PIWIL2: variants seen among roughly 807,000 people sequenced by gnomAD.
PIWIL2 encodes the protein piwi like RNA-mediated gene silencing 2.
A neutral mutation model predicts 116.5 loss-of-function variants in PIWIL2; 81 were observed. The ratio of observed to expected loss-of-function variants is 0.70; its 90% CI spans 0.58 to 0.84. The LOEUF is 0.84. PIWIL2 is among the 40% of genes least tolerant of loss of function. The pLI is 0.00. For missense variants in PIWIL2, 1,272 were observed against 1,212.3 expected (o/e 1.05, Z -0.73); for synonymous variants, 489 against 429.5 (o/e 1.14, Z -1.71).
At chr8:22,299,198 G>A (rs987670968) in intron 10 of PIWIL2, among the ~76,000 whole-genome samples, 6 of 151,018 alleles carry the variant, frequency 4.0e-5, no homozygotes, top group African/African-American at 1.5e-4. Flanking sequence ...TTTTTTTAAT[G>A]ATCTTTTTTC....
intron 10 of PIWIL2, among the ~76,000 whole-genome samples, chr8:22,302,913 C>T (rs1377460286): frequency 1.3e-5 from 2 of 152,230 alleles, no homozygotes; most frequent in Non-Finnish European, 2.9e-5. Context: ...CACTGCCCAC[C>T]TCAACTTAGA....
At chr8:22,310,638 A>G (rs528814199) in intron 15 of PIWIL2, among the ~76,000 whole-genome samples, 1 of 151,898 alleles carries the variant, frequency 6.6e-6, no homozygotes, top group Non-Finnish European at 1.5e-5. Context: ...AATTAAATAG[A>G]CCTGTGTAAT....
At chr8:22,333,966 T>A (rs1831921058) in intron 20 of PIWIL2, among the ~76,000 whole-genome samples, 1 of 151,380 alleles carries the variant, frequency 6.6e-6, no homozygotes, top group Non-Finnish European at 1.5e-5. Context: ...GTACAGAGTT[T>A]TTTTGTGTTT....
intron 20 of PIWIL2, among the ~76,000 whole-genome samples, 169 bp downstream of exon 20, chr8:22,318,444 A>C (rs975104198): frequency 1.3e-5 from 2 of 151,958 alleles, no homozygotes; most frequent in African/African-American, 4.8e-5. Context: ...CAGCCTTCCA[A>C]GTAGCTGGGA....
chr8:22,348,444 C>G (rs1420308173), intron 20 of PIWIL2, among the ~76,000 whole-genome samples: 1 of 152,166 alleles, frequency 6.6e-6, no homozygotes, highest in African/African-American at 2.4e-5. Context: ...CTGACCCTTG[C>G]CCCTCTGCGC....
chr8:22,291,136 T>G (rs1360062879), intron 10 of PIWIL2, among the ~76,000 whole-genome samples: 1 of 150,744 alleles, frequency 6.6e-6, no homozygotes, highest in Non-Finnish European at 1.5e-5. Context: ...GTCCGGCTAA[T>G]TTTTTTTTCT....
chr8:22,347,901 T>C lies in PIWIL2; in HGVS notation c.2404-5058T>C, dbSNP rs549632837. Among the ~76,000 whole-genome samples the C allele has an allele frequency of 4.3e-4, 65 of 152,222 alleles. 1 individual carries two copies. Among genetic ancestry groups the C allele is most frequent in the African/African-American group, 1.6e-3 (65 of 41,534 alleles). ...AATCTCTTACACTCCTCTGTTGCCA[T>C]AGCATTTATATCTTTATTATGTTAT... On this transcript the variant is annotated intron_variant, in intron 20 of 22. Transcript: ENST00000356766.
At chr8:22,354,510 C>G (rs775897995) in intron 22 of PIWIL2, 132 bp downstream of exon 22, 9 of 536,976 alleles carry the variant, frequency 1.7e-5, no homozygotes, top group Non-Finnish European at 3.0e-5. Context: ...ATTATGGTGT[C>G]TTTTTGAGGA....
Position 22,316,154 on chromosome 8 carries a change from A to T in PIWIL2, c.2209-91A>T. On this transcript the variant is annotated intron_variant, in intron 18 of 22. Coordinates refer to ENST00000356766, the MANE Select transcript of PIWIL2 (RefSeq NM_018068.5). ...ACTTTCATGTATAAACAGTAAGGGG[A>T]GGTTGCTTTGGGATTCAGACAGTAA... The T allele has an allele frequency of 2.3e-5, 17 of 723,824 alleles. 1 individual carries two copies. The highest frequency in any genetic ancestry group is 4.7e-4 in the Middle Eastern group (2 of 4,280). The allele number at this position is 723,824 out of a possible 1,614,324, so 44.8% of individuals were successfully genotyped here. A position where few individuals can be genotyped will look rare whatever the true frequency, so the allele number is the denominator to read the frequency against.
chr8:22,328,672 A>G (rs986392000), intron 20 of PIWIL2, among the ~76,000 whole-genome samples: 4 of 151,594 alleles, frequency 2.6e-5, no homozygotes, highest in African/African-American at 7.3e-5. Context: ...ATTCCTAGCT[A>G]TTTTATTCTT....
At chr8:22,345,335 A>G (rs538963743) in intron 20 of PIWIL2, among the ~76,000 whole-genome samples, 4 of 152,356 alleles carry the variant, frequency 2.6e-5, no homozygotes, top group South Asian at 2.1e-4. Flanking sequence ...AAATGTTCGT[A>G]GCAACATTAT....
In PIWIL2 at chr8:22,355,619, C is replaced by T; in HGVS notation, c.*114C>T. On this transcript the variant is annotated 3_prime_UTR_variant, in exon 23 of 23. Coordinates refer to ENST00000356766, the MANE Select transcript of PIWIL2 (RefSeq NM_018068.5). ...GCTTTTGTGTTATAATTTTCCCTTT[C>T]TCCAACCCTGTAGAATAAGATTTCT... 1.1e-6 allele frequency: 1 copy of T among 887,256 alleles called. No individual in the cohort carries two copies. Among genetic ancestry groups the T allele is most frequent in the Non-Finnish European group, 1.7e-6 (1 of 582,472 alleles). The allele number at this position is 887,256 out of a possible 1,614,324, so 55.0% of individuals were successfully genotyped here. A position where few individuals can be genotyped will look rare whatever the true frequency, so the allele number is the denominator to read the frequency against.
At chr8:22,328,420 C>T (rs1831777027) in intron 20 of PIWIL2, among the ~76,000 whole-genome samples, 1 of 152,012 alleles carries the variant, frequency 6.6e-6, no homozygotes, top group Non-Finnish European at 1.5e-5. Flanking sequence ...TCAGTGCCCC[C>T]TTGGAATTGT....
At chr8:22,283,359 G>T in intron 5 of PIWIL2, 119 bp downstream of exon 5, 1 of 730,058 alleles carries the variant, frequency 1.4e-6, no homozygotes. Flanking sequence ...ATAATACTGC[G>T]GGGTGTTTTG....
In PIWIL2 at chr8:22,311,320, AAATT is replaced by A. The variant is rs775713580; in HGVS notation, c.1989+21_1989+24del. On this transcript the variant is annotated intron_variant, in intron 16 of 22. Coordinates refer to ENST00000356766, the MANE Select transcript of PIWIL2 (RefSeq NM_018068.5). Reference sequence around the variant, plus strand: ...GCTGAGGTAAAAATGTAATTCAAATAAATTTATAGGATGTCCATTTTAAATTACT... The same window carrying A: ...GCTGAGGTAAAAATGTAATTCAAATATATAGGATGTCCATTTTAAATTACT... 1.4e-5 allele frequency: 22 copies of A among 1,567,716 alleles called. No individual in the cohort carries two copies. The highest frequency in any genetic ancestry group is 1.3e-4 in the Admixed American group (7 of 55,698).
At chr8:22,297,431 A>G (rs904325483) in intron 10 of PIWIL2, among the ~76,000 whole-genome samples, 8 of 152,132 alleles carry the variant, frequency 5.3e-5, no homozygotes, top group African/African-American at 1.9e-4. Context: ...CTTGGTTTAC[A>G]TTGTTCCTGT....
At chr8:22,335,470 A>G (rs141412094) in intron 20 of PIWIL2, among the ~76,000 whole-genome samples, 210 of 151,936 alleles carry the variant, frequency 1.4e-3, no homozygotes, top group African/African-American at 4.6e-3. Context: ...GTCTCAAGCA[A>G]TCTTTCTGCC....
rs191519431 is a variant in PIWIL2 at position 22,308,026 on chromosome 8, A to T, written c.1639A>T (p.Asn547Tyr). The T allele has an allele frequency of 7.6e-5, 123 of 1,614,078 alleles. No homozygotes were observed. The highest frequency in any genetic ancestry group is 5.8e-5 in the Non-Finnish European group (68 of 1,179,990). Residue 547 changes from asparagine (N) to tyrosine (Y), a missense_variant, in exon 14 of 23, where the codon AAT becomes TAT. Physicochemically the swap from Asn to Tyr is moderately radical, Grantham distance 143. Transcript: ENST00000356766. ...AATTGCAAAGAACGAGGCAGCCACC[A>T]ATGAACTGATGCGTTGGGGGCTCCG... Reference protein sequence around the residue: ...QRIAKNEAATNELMRWGLRLQ... With the variant: ...QRIAKNEAATYELMRWGLRLQ...
intron 1 of PIWIL2, among the ~76,000 whole-genome samples, chr8:22,276,703 C>T (rs562322666): frequency 6.6e-6 from 1 of 152,152 alleles, no homozygotes; most frequent in East Asian, 1.9e-4. Flanking sequence ...CAGTTTGAGA[C>T]CAGCCTGGGC....
Sources: allele counts gnomAD v4.1 joint callset (sites outside exome capture counted in the v4.1 genomes callset), GRCh38; gene constraint gnomAD v4.1.1; transcripts MANE v1.5; gene names NCBI Gene and HGNC (gene_info 2026-07-23, HGNC 2026-07-21).